The following ABCB10 variants were observed in gnomAD, a reference collection of about 807,000 sequenced individuals.
ABCB10 encodes the protein ATP binding cassette subfamily B member 10.
In ABCB10, 54 loss-of-function variants were observed where a neutral mutation model predicts 65.4. The observed-to-expected ratio is 0.83, with a 90% CI of 0.66 to 1.04. ABCB10 has a LOEUF of 1.04. ABCB10 is among the 50% of genes least tolerant of loss of function. The pLI is 0.00. For missense variants in ABCB10, 846 were observed against 976.6 expected (o/e 0.87, Z 1.78); for synonymous variants, 418 against 406.5 (o/e 1.03, Z -0.34).
chr1:229,558,387 A>G lies in ABCB10; in HGVS notation c.266T>C (p.Leu89Pro). 3 of 1,241,756 alleles carry G rather than the reference A, an allele frequency of 2.4e-6. No individual in the cohort carries two copies. The highest frequency in any genetic ancestry group is 3.0e-6 in the Non-Finnish European group (3 of 985,054). The allele number at this position is 1,241,756 out of a possible 1,614,324, so 76.9% of individuals were successfully genotyped here. A position where few individuals can be genotyped will look rare whatever the true frequency, so the allele number is the denominator to read the frequency against. The change falls in exon 1 of 13, where the codon CTC becomes CCC. Residue 89 changes from leucine to proline, a missense_variant. By Grantham distance (98) the Leu-to-Pro change is moderately conservative. Transcript: ENST00000344517. ...GGGGCCGCGAGCCCACAGCCCCAGGAGCCGCGCGAGGCCCAGGACGCCCCG... is the reference window on the plus strand; with the variant it reads ...GGGGCCGCGAGCCCACAGCCCCAGGGGCCGCGCGAGGCCCAGGACGCCCCG... ...ASRGVLGLAR[L>P]LGLWARGPGS...
chr1:229,548,064 C>T (rs899223011), intron 2 of ABCB10, among the ~76,000 whole-genome samples: 7 of 151,350 alleles, frequency 4.6e-5, no homozygotes, highest in South Asian at 2.1e-4. Flanking sequence ...TGAAGTGGCA[C>T]GATCACAGTT....
chr1:229,529,901 G>A (rs575444092), intron 8 of ABCB10, among the ~76,000 whole-genome samples: 35 of 152,232 alleles, frequency 2.3e-4, no homozygotes, highest in Non-Finnish European at 4.4e-4. Flanking sequence ...GCTCCCAGTA[G>A]AGGGCATGTC....
intron 8 of ABCB10, among the ~76,000 whole-genome samples, chr1:229,528,142 A>G (rs1662487802): frequency 6.6e-6 from 1 of 152,164 alleles, no homozygotes. Flanking sequence ...CCAGCTGGAA[A>G]TGTTCACAAA....
At chr1:229,529,331 A>G (rs867979970) in intron 8 of ABCB10, among the ~76,000 whole-genome samples, 52 of 116,376 alleles carry the variant, frequency 4.5e-4, no homozygotes, top group African/African-American at 1.5e-3. Context: ...AAAAAAAAAG[A>G]AAATCCCTAC....
At chr1:229,536,624 C>A (rs1216377880) in intron 6 of ABCB10, among the ~76,000 whole-genome samples, 4 of 152,146 alleles carry the variant, frequency 2.6e-5, no homozygotes, top group African/African-American at 9.7e-5. Flanking sequence ...AAAATGCAAT[C>A]TCTCGCTATA....
At chr1:229,553,149 C>T (rs1663159207) in intron 1 of ABCB10, among the ~76,000 whole-genome samples, 1 of 152,014 alleles carries the variant, frequency 6.6e-6, no homozygotes. Flanking sequence ...TAGAGTTTCC[C>T]TCTTGTTGCC....
At chr1:229,556,166 G>C (rs560225273) in intron 1 of ABCB10, among the ~76,000 whole-genome samples, 2 of 152,054 alleles carry the variant, frequency 1.3e-5, no homozygotes, top group Non-Finnish European at 2.9e-5. Flanking sequence ...ACCCGAGGTC[G>C]GGAGTTCGAG....
intron 8 of ABCB10, among the ~76,000 whole-genome samples, chr1:229,528,691 AT>A (rs764624554): frequency 4.4e-4 from 65 of 146,908 alleles, no homozygotes; most frequent in East Asian, 1.4e-3. Flanking sequence ...AAATTACAGA[AT>A]TTTTTTTTTT....
chr1:229,535,047 A>AAAAAAAAC (rs1662681953), intron 6 of ABCB10: 1 of 144,734 alleles, frequency 6.9e-6, no homozygotes, highest in African/African-American at 2.7e-5. Context: ...TTAAAAAAAA[A>AAAAAAAAC]AAAAAAAAAA....
chr1:229,537,026 G>T (rs1169090110), intron 6 of ABCB10, among the ~76,000 whole-genome samples: 1 of 151,948 alleles, frequency 6.6e-6, no homozygotes, highest in Non-Finnish European at 1.5e-5. Flanking sequence ...ATTATGCTAA[G>T]TGTAAGAAGC....
At chr1:229,530,134 G>T in intron 8 of ABCB10, 65 bp downstream of exon 8, 1 of 1,514,150 alleles carries the variant, frequency 6.6e-7, no homozygotes, top group Non-Finnish European at 9.2e-7. Context: ...GCATCTCCTA[G>T]GGCGCAAAAG....
chr1:229,523,653 G>A (rs905711024), intron 10 of ABCB10, among the ~76,000 whole-genome samples: 3 of 152,086 alleles, frequency 2.0e-5, no homozygotes, highest in Non-Finnish European at 2.9e-5. Context: ...CAGTACCCTG[G>A]GAATCTATTA....
chr1:229,549,202 T>C, intron 2 of ABCB10, 32 bp downstream of exon 2: 1 of 1,610,654 alleles, frequency 6.2e-7, no homozygotes, highest in Admixed American at 1.7e-5. Context: ...TTCTTCAGGA[T>C]GACTCACATC....
chr1:229,526,186 T>C (rs1662440767), intron 9 of ABCB10, 70 bp from the exon 10 acceptor site: 1 of 1,434,746 alleles, frequency 7.0e-7, no homozygotes, highest in Non-Finnish European at 9.5e-7. Flanking sequence ...AATTTAGACC[T>C]AGCAGTCTTT....
chr1:229,556,941 A>G (rs1663263235), intron 1 of ABCB10, among the ~76,000 whole-genome samples: 1 of 152,244 alleles, frequency 6.6e-6, no homozygotes, highest in Admixed American at 6.5e-5. Flanking sequence ...AAGTCCAGTG[A>G]GAGCTCCTAG....
intron 6 of ABCB10, among the ~76,000 whole-genome samples, chr1:229,536,372 T>C (rs896776550): frequency 1.3e-5 from 2 of 151,738 alleles, no homozygotes; most frequent in Admixed American, 6.6e-5. Context: ...CTGAATATGG[T>C]TGTGTATGCC....
At chr1:229,531,948 T>C (rs1305279299) in intron 6 of ABCB10, 1 of 99,224 alleles carries the variant, frequency 1.0e-5, no homozygotes, top group East Asian at 1.9e-4. Flanking sequence ...AGTTTCATAG[T>C]TTTTTTTTTT....
chr1:229,557,191 A>G (rs1663269751), intron 1 of ABCB10, among the ~76,000 whole-genome samples: 1 of 151,682 alleles, frequency 6.6e-6, no homozygotes, highest in Non-Finnish European at 1.5e-5. Context: ...ATGGATTTGC[A>G]GCAAAGAATG....
In ABCB10 at chr1:229,558,641, G is replaced by A. The variant is rs975462452; in HGVS notation, c.12C>T (p.Pro4=). Residue 4 remains proline (P), a synonymous_variant, in exon 1 of 13, where the codon CCC becomes CCT. Transcript: ENST00000344517. MRG[P]PAWPLRLLEP... ...CGAGCAGCCGCAGCGGCCAGGCAGG[G>A]GGGCCTCGCATGGCGCTGCGTGCGA... 6.6e-6 allele frequency: 9 copies of A among 1,371,862 alleles called. No individual in the cohort carries two copies. The highest frequency in any genetic ancestry group is 6.1e-5 in the African/African-American group (4 of 65,514). The allele number at this position is 1,371,862 out of a possible 1,614,324, so 85.0% of individuals were successfully genotyped here.
Sources: allele counts gnomAD v4.1 joint callset (sites outside exome capture counted in the v4.1 genomes callset), GRCh38; gene constraint gnomAD v4.1.1; transcripts MANE v1.5; gene names NCBI Gene and HGNC (gene_info 2026-07-23, HGNC 2026-07-21).